The following LYZL1 variants were observed in gnomAD, a reference collection of about 807,000 sequenced individuals.
LYZL1 encodes the protein lysozyme like 1, also known as lysozyme-like protein 1.
Under a neutral mutation model 17.9 loss-of-function variants are expected in LYZL1, and 16 were observed. The ratio of observed to expected loss-of-function variants is 0.90; its 90% confidence interval spans 0.61 to 1.36. The LOEUF (loss-of-function observed/expected upper bound fraction) is 1.36. LYZL1 is among the 40% of genes most tolerant of loss of function. The pLI is 0.00. For synonymous variants in LYZL1, 58 were observed against 71.8 expected (o/e 0.81, Z 0.97); for missense variants, 149 against 188.4 (o/e 0.79, Z 1.22).
chr10:29,315,991 C>A (rs565373140), downstream of LYZL1, among the ~76,000 whole-genome samples: 71 of 152,328 alleles, frequency 4.7e-4, no homozygotes, highest in African/African-American at 1.6e-3. Flanking sequence ...AAGGGTCCGA[C>A]TGCTTGAGGA....
exon 5 of LYZL1, chr10:29,318,268 C>T (rs1588666997): frequency 1.7e-5 from 14 of 800,442 alleles, no homozygotes; most frequent in Non-Finnish European, 2.1e-5. Flanking sequence ...GATGAAAAAA[C>T]GAAATCTATA....
chr10:29,307,289 C>T lies in LYZL1; in HGVS notation c.299-2821C>T, dbSNP rs577455131. 2.6e-5 allele frequency among the ~76,000 whole-genome samples: 4 copies of T among 152,338 alleles called. No individual in the cohort carries two copies. The South Asian group carries it at 8.3e-4, about 32-fold the overall frequency. The stretch of plus-strand genomic sequence containing the variant: ...CATCAGCGTCTCCCCATTTTCCTCA[C>T]CAGCTACTGCTCTACTTTCTGCTTT... On this transcript the variant is annotated intron_variant, in intron 3 of 4. Coordinates refer to ENST00000649382, the MANE Select transcript of LYZL1 (RefSeq NM_032517.6).
intron 3 of LYZL1, among the ~76,000 whole-genome samples, chr10:29,296,420 A>G (rs1588658540): frequency 1.3e-5 from 2 of 152,340 alleles, no homozygotes; most frequent in African/African-American, 4.8e-5. Context: ...ATGAAGACAG[A>G]TTACAAACAG....
chr10:29,318,129 C>A (rs1200617413), intron 4 of LYZL1: 3 of 984,640 alleles, frequency 3.0e-6, no homozygotes, highest in Non-Finnish European at 3.6e-6. Flanking sequence ...CCACCTGAAA[C>A]TGAGGCTGTT....
At chr10:29,290,009 G>A (rs561508035) in intron 1 of LYZL1, among the ~76,000 whole-genome samples, 1 of 152,294 alleles carries the variant, frequency 6.6e-6, no homozygotes, top group African/African-American at 2.4e-5. Flanking sequence ...TGCCCCTCAT[G>A]CAATGCAGTT....
At chr10:29,307,355 C>T (rs1476502744) in intron 3 of LYZL1, among the ~76,000 whole-genome samples, 2 of 152,198 alleles carry the variant, frequency 1.3e-5, no homozygotes, top group Non-Finnish European at 2.9e-5. Context: ...TGAGTGAGAT[C>T]ATGTGGTATT....
intron 3 of LYZL1, among the ~76,000 whole-genome samples, chr10:29,307,893 C>T (rs1835617208): frequency 2.0e-5 from 3 of 152,166 alleles, no homozygotes; most frequent in African/African-American, 7.2e-5. Context: ...GCTCTAAACA[C>T]ATGCTGCTAT....
At chr10:29,314,628 TA>T, downstream of LYZL1, among the ~76,000 whole-genome samples, 1 of 152,192 alleles carries the variant, frequency 6.6e-6, no homozygotes, top group East Asian at 1.9e-4. Context: ...AAAAATTAAT[TA>T]AAAAATTTGA....
At chr10:29,307,796 G>A (rs1284138811) in intron 3 of LYZL1, among the ~76,000 whole-genome samples, 1 of 152,238 alleles carries the variant, frequency 6.6e-6, no homozygotes, top group African/African-American at 2.4e-5. Flanking sequence ...ACTTTGTAAA[G>A]AAATATTTGT....
At chr10:29,303,154 A>G (rs1209165317) in intron 3 of LYZL1, among the ~76,000 whole-genome samples, 3 of 152,192 alleles carry the variant, frequency 2.0e-5, no homozygotes, top group African/African-American at 7.2e-5. Context: ...TTTAGCCTTC[A>G]GTCAAAGACT....
intron 1 of LYZL1, among the ~76,000 whole-genome samples, chr10:29,290,932 G>A (rs1260000130): frequency 6.6e-6 from 1 of 152,200 alleles, no homozygotes; most frequent in African/African-American, 2.4e-5. Flanking sequence ...AAGAGTAGGT[G>A]CTTAATCTTC....
chr10:29,316,707 C>CG (rs764925142), intron 3 of LYZL1, among the ~76,000 whole-genome samples: 2 of 126,390 alleles, frequency 1.6e-5, no homozygotes, highest in Non-Finnish European at 3.4e-5. Context: ...TTTCCTTTTC[C>CG]TTTTTTTTTT....
chr10:29,316,677 GT>G (rs57432100), intron 3 of LYZL1, among the ~76,000 whole-genome samples: 140 of 140,890 alleles, frequency 9.9e-4, no homozygotes, highest in African/African-American at 2.5e-3. Flanking sequence ...TTTCTTCCAG[GT>G]TTTTTTTTTC....
intron 3 of LYZL1, among the ~76,000 whole-genome samples, chr10:29,294,138 A>C (rs1171033530): frequency 6.6e-6 from 1 of 152,112 alleles, no homozygotes; most frequent in Admixed American, 6.5e-5. Context: ...GAAGGTGTGA[A>C]GCATGAACAG....
intron 3 of LYZL1, among the ~76,000 whole-genome samples, chr10:29,293,127 C>CTTTTCTTTTTTT (rs1835397932): frequency 1.7e-4 from 18 of 104,186 alleles, no homozygotes; most frequent in South Asian, 6.5e-4. Context: ...CTTTTCTTTT[C>CTTTTCTTTTTTT]TTTTTTCTTT....
At chr10:29,307,677 G>C (rs1835614548) in intron 3 of LYZL1, among the ~76,000 whole-genome samples, 1 of 152,188 alleles carries the variant, frequency 6.6e-6, no homozygotes, top group African/African-American at 2.4e-5. Flanking sequence ...AATTTAAATG[G>C]CTGTTTATTT....
intron 3 of LYZL1, among the ~76,000 whole-genome samples, chr10:29,316,806 T>G (rs1256729951): frequency 6.6e-6 from 1 of 151,420 alleles, no homozygotes; most frequent in East Asian, 2.0e-4. Context: ...AGCCTCAAAC[T>G]TTCAGGCTCA....
chr10:29,315,012 C>T (rs1418238205), downstream of LYZL1, among the ~76,000 whole-genome samples: 1 of 152,092 alleles, frequency 6.6e-6, no homozygotes, highest in African/African-American at 2.4e-5. Context: ...TGGCACAAAC[C>T]CTAAGCCAGC....
intron 3 of LYZL1, among the ~76,000 whole-genome samples, chr10:29,305,070 C>A (rs1835572858): frequency 6.6e-6 from 1 of 152,140 alleles, no homozygotes; most frequent in Non-Finnish European, 1.5e-5. Flanking sequence ...AGAATGTGAT[C>A]TGCTTCCTCC....
Sources: allele counts gnomAD v4.1 joint callset (sites outside exome capture counted in the v4.1 genomes callset), GRCh38; gene constraint gnomAD v4.1.1; transcripts MANE v1.5; gene names NCBI Gene and HGNC (gene_info 2026-07-23, HGNC 2026-07-21).